TRPM3: variants seen among roughly 807,000 people sequenced by gnomAD.
TRPM3 encodes the protein long transient receptor potential channel 3.
A neutral mutation model predicts 181.2 loss-of-function variants in TRPM3; 77 were observed. The ratio of observed to expected loss-of-function variants is 0.42; its 90% confidence interval spans 0.35 to 0.51. The LOEUF (loss-of-function observed/expected upper bound fraction) is 0.51. TRPM3 is among the 20% of genes least tolerant of loss of function. The probability of loss-of-function intolerance (pLI) is 0.01; values close to 1 mark genes in which losing one functional copy is unlikely to be tolerated. For missense variants in TRPM3, 1,759 were observed against 2,196.7 expected (o/e 0.80, Z 3.98); for synonymous variants, 745 against 796.4 (o/e 0.94, Z 1.09).
intron 1 of TRPM3, among the ~76,000 whole-genome samples, chr9:71,435,789 C>A (rs191416094): frequency 1.3e-5 from 2 of 152,280 alleles, no homozygotes; most frequent in African/African-American, 4.8e-5. Context: ...GGTAGCTAAT[C>A]ATTTGACCTT....
At chr9:71,332,701 T>A (rs2090292607) in intron 1 of TRPM3, among the ~76,000 whole-genome samples, 1 of 151,772 alleles carries the variant, frequency 6.6e-6, no homozygotes, top group African/African-American at 2.4e-5. Flanking sequence ...CCATTGAGCA[T>A]TCATATACAA....
chr9:70,775,146 C>A (rs899617723), intron 7 of TRPM3: 6 of 152,136 alleles, frequency 3.9e-5, no homozygotes, highest in Non-Finnish European at 1.5e-5. Flanking sequence ...AGCTGTAGAT[C>A]CTAATGTCAG....
chr9:70,558,638 T>A (rs1216579764), intron 22 of TRPM3, among the ~76,000 whole-genome samples: 1 of 152,184 alleles, frequency 6.6e-6, no homozygotes, highest in African/African-American at 2.4e-5. Context: ...TTAGACCTAT[T>A]ATCAAACCTG....
intron 6 of TRPM3, chr9:70,824,997 C>T (rs566775239): frequency 1.3e-5 from 2 of 152,302 alleles, no homozygotes; most frequent in East Asian, 3.9e-4. Context: ...GGGTCACTCC[C>T]TACCCTCTAA....
intron 1 of TRPM3, among the ~76,000 whole-genome samples, chr9:71,191,784 G>A (rs530384181): frequency 2.1e-4 from 15 of 70,628 alleles, no homozygotes; most frequent in African/African-American, 6.6e-4. Flanking sequence ...AGAAACAACA[G>A]AACATATAAA....
rs564908163 is a variant in TRPM3 at position 71,188,512 on chromosome 9, T to C, written c.183+258141A>G. On this transcript the variant is annotated intron_variant, in intron 1 of 24. Transcript: ENST00000357533. ...TTTTGATGCTACCACATGGTATTTA[T>C]TATTATAAATACTATAATGATTATT... Among the ~76,000 whole-genome samples the C allele has an allele frequency of 3.3e-5, 5 of 152,040 alleles. No homozygotes were observed. The East Asian group carries it at 9.7e-4, about 29-fold the overall frequency.
intron 1 of TRPM3, among the ~76,000 whole-genome samples, chr9:70,902,706 G>T (rs192568145): frequency 6.6e-6 from 1 of 152,322 alleles, no homozygotes; most frequent in Non-Finnish European, 1.5e-5. Flanking sequence ...CACTGCATTA[G>T]GTACTGGGGA....
chr9:71,377,153 G>A (rs977717387), intron 1 of TRPM3, among the ~76,000 whole-genome samples: 3 of 152,014 alleles, frequency 2.0e-5, no homozygotes, highest in Admixed American at 6.6e-5. Flanking sequence ...TCTGTACCAC[G>A]CAACACTGCT....
At chr9:70,867,687 A>T (rs2095680865) in intron 1 of TRPM3, among the ~76,000 whole-genome samples, 1 of 152,124 alleles carries the variant, frequency 6.6e-6, no homozygotes, top group Admixed American at 6.6e-5. Context: ...ATAAGACACA[A>T]TAGAAAGAAT....
At chr9:71,279,059 A>AAAAAAAAAAAAAAAC (rs2084476837) in intron 1 of TRPM3, among the ~76,000 whole-genome samples, 1 of 148,246 alleles carries the variant, frequency 6.7e-6, no homozygotes, top group South Asian at 2.1e-4. Flanking sequence ...ATAAAAATAA[A>AAAAAAAAAAAAAAAC]AATAAAAAAA....
intron 1 of TRPM3, among the ~76,000 whole-genome samples, chr9:71,168,411 G>A (rs549378418): frequency 1.3e-5 from 2 of 151,698 alleles, no homozygotes; most frequent in South Asian, 4.2e-4. Context: ...AGTACTGAAC[G>A]GAGATTTAGA....
chr9:70,748,895 A>AT (rs1371334235), intron 8 of TRPM3, among the ~76,000 whole-genome samples: 2 of 151,944 alleles, frequency 1.3e-5, no homozygotes, highest in Non-Finnish European at 2.9e-5. Flanking sequence ...TTTGTTTTTT[A>AT]TTTTTTTGAG....
chr9:71,356,566 T>C (rs1364868800), intron 1 of TRPM3, among the ~76,000 whole-genome samples: 1 of 152,162 alleles, frequency 6.6e-6, no homozygotes, highest in Non-Finnish European at 1.5e-5. Context: ...GCCTGTGTTT[T>C]AACAACTGTA....
At chr9:71,012,244 T>C (rs185629391) in intron 1 of TRPM3, among the ~76,000 whole-genome samples, 3 of 152,168 alleles carry the variant, frequency 2.0e-5, no homozygotes, top group African/African-American at 7.2e-5. Flanking sequence ...AAAAAGGTCA[T>C]TTTTAGAGAT....
At chr9:70,884,111 C>T (rs2096047207) in intron 1 of TRPM3, among the ~76,000 whole-genome samples, 1 of 152,008 alleles carries the variant, frequency 6.6e-6, no homozygotes, top group Non-Finnish European at 1.5e-5. Context: ...TTCTATTTGC[C>T]ATCCATAATG....
intron 1 of TRPM3, among the ~76,000 whole-genome samples, chr9:71,249,418 T>A (rs1191209348): frequency 6.6e-6 from 1 of 152,180 alleles, no homozygotes; most frequent in Non-Finnish European, 1.5e-5. Context: ...GTATAAATAG[T>A]CTATTTTACT....
intron 8 of TRPM3, among the ~76,000 whole-genome samples, chr9:70,753,327 A>G (rs1319767961): frequency 6.6e-6 from 1 of 152,196 alleles, no homozygotes; most frequent in Admixed American, 6.5e-5. Context: ...TTTAACATAT[A>G]TAAAAAGAAT....
intron 22 of TRPM3, among the ~76,000 whole-genome samples, chr9:70,574,096 A>ACG (rs1349663482): frequency 1.3e-5 from 2 of 151,760 alleles, no homozygotes; most frequent in Non-Finnish European, 1.5e-5. Flanking sequence ...GCGCGCGCAC[A>ACG]CACACACACA....
chr9:70,985,745 A>G (rs1189223966), intron 1 of TRPM3, among the ~76,000 whole-genome samples: 7 of 152,284 alleles, frequency 4.6e-5, no homozygotes, highest in East Asian at 3.9e-4. Context: ...CACTCATGCA[A>G]TCTATGATTT....
Sources: gnomAD v4.1 joint callset for allele counts (sites outside exome capture counted in the v4.1 genomes callset) on GRCh38, gnomAD v4.1.1 for gene constraint, MANE v1.5 for transcripts, NCBI Gene and HGNC (gene_info 2026-07-23, HGNC 2026-07-21) for gene names.